The following CEP290 variants were observed in gnomAD, a reference collection of about 807,000 sequenced individuals.
The protein encoded by CEP290 is centrosomal protein 290, also known as centrosomal protein of 290 kDa.
CEP290 carries 317 observed loss-of-function variants against 344.9 expected under a neutral mutation model. The observed-to-expected ratio is 0.92, with a 90% CI of 0.84 to 1.01. The LOEUF (loss-of-function observed/expected upper bound fraction) is 1.01. CEP290 is among the 50% of genes least tolerant of loss of function. The pLI, the probability that CEP290 is intolerant of heterozygous loss-of-function variation, is 0.00. For synonymous variants in CEP290, 932 were observed against 895.8 expected, an observed-to-expected ratio of 1.04 and a Z score of -0.72; for missense variants, 2,754 against 2,761.4, an observed-to-expected ratio of 1.00 and a Z score of 0.06.
At chr12:88,121,339 T>TA (rs1407461727) in intron 13 of CEP290, among the ~76,000 whole-genome samples, 173 bp from the exon 14 acceptor site, 1 of 152,166 alleles carries the variant, frequency 6.6e-6, no homozygotes, top group Non-Finnish European at 1.5e-5. Flanking sequence ...TACAATTTAC[T>TA]AAAAAACTGA....
chr12:88,054,289 ATTTTTT>A, intron 51 of CEP290, 45 bp downstream of exon 51: 1 of 1,162,108 alleles, frequency 8.6e-7, no homozygotes, highest in South Asian at 1.5e-5. Context: ...AAAACTAATA[ATTTTTT>A]TTTTAAAGAA....
chr12:88,101,747 C>T (rs1462521496), intron 26 of CEP290, among the ~76,000 whole-genome samples: 1 of 151,536 alleles, frequency 6.6e-6, no homozygotes, highest in African/African-American at 2.4e-5. Flanking sequence ...ATACATTATC[C>T]ACAAGATGTC....
intron 26 of CEP290, among the ~76,000 whole-genome samples, chr12:88,098,602 C>A (rs1174310642): frequency 6.6e-5 from 10 of 151,168 alleles, no homozygotes. Context: ...ACAGTGAGAC[C>A]CTGACTCAAA....
At chr12:88,072,005 C>T in intron 41 of CEP290, 79 bp from the exon 42 acceptor site, 1 of 1,301,310 alleles carries the variant, frequency 7.7e-7, no homozygotes, top group Non-Finnish European at 1.0e-6. Flanking sequence ...TTATAATTTG[C>T]CTAGAAAAAT....
chr12:88,083,433 G>T (rs557199698), intron 36 of CEP290, among the ~76,000 whole-genome samples: 3 of 152,188 alleles, frequency 2.0e-5, no homozygotes, highest in Non-Finnish European at 4.4e-5. Context: ...ATGTCTGCAC[G>T]TAGCAGGAGA....
At chr12:88,058,329 G>C (rs1223441751) in intron 49 of CEP290, 1 of 152,926 alleles carries the variant, frequency 6.5e-6, no homozygotes. Context: ...AAACATCAAA[G>C]CTGGTGCTGA....
chr12:88,053,562 G>A (rs1402813853), intron 52 of CEP290, 90 bp downstream of exon 52: 3 of 642,336 alleles, frequency 4.7e-6, no homozygotes, highest in East Asian at 2.8e-5. Flanking sequence ...GGGAGACAAT[G>A]ATCAGAAATC....
intron 32 of CEP290, among the ~76,000 whole-genome samples, chr12:88,086,769 T>C (rs2036614565): frequency 1.7e-5 from 2 of 121,016 alleles, no homozygotes; most frequent in Non-Finnish European, 3.8e-5. Flanking sequence ...TGATGACATA[T>C]ATTATGTGCC....
In CEP290 at chr12:88,060,993, G is replaced by C. The variant is rs758700259; in HGVS notation, c.6359C>G (p.Ser2120Cys). The C allele has an allele frequency of 3.9e-6, 6 of 1,538,832 alleles. No homozygotes were observed. Among genetic ancestry groups the C allele is most frequent in the Admixed American group, 4.3e-5 (2 of 46,332 alleles). The stretch of plus-strand genomic sequence containing the variant: ...TGGGATTGTCTTTCCACTTCTACCA[G>C]ACTACGAAAGAATATGTTAAATCTT... ...VQRKLGHVRG[S>C]GRSGKTIPEL... The change falls in exon 47 of 54, where the codon TCT (serine) becomes TGT (cysteine). Residue 2120 changes from serine to cysteine, a missense_variant and splice_region_variant. Coordinates refer to ENST00000552810, the MANE Select transcript of CEP290 (RefSeq NM_025114.4).
intron 18 of CEP290, chr12:88,115,768 GAGATCT>G: frequency 1.0e-6 from 1 of 976,918 alleles, no homozygotes; most frequent in Non-Finnish European, 1.2e-6. Context: ...AAACTCACCT[GAGATCT>G]AAGAAATACT....
intron 37 of CEP290, among the ~76,000 whole-genome samples, chr12:88,082,713 T>C (rs1029523602): frequency 2.0e-5 from 3 of 151,872 alleles, no homozygotes; most frequent in Non-Finnish European, 2.9e-5. Flanking sequence ...AATAAATAAA[T>C]AAGATGAAAC....
intron 2 of CEP290, 72 bp downstream of exon 2, chr12:88,141,134 T>C: frequency 2.3e-6 from 3 of 1,305,390 alleles, no homozygotes; most frequent in South Asian, 1.7e-5. Flanking sequence ...CTGAAAAAAA[T>C]AAATTCATAT....
At chr12:88,095,512 T>C (rs2037363461) in intron 27 of CEP290, among the ~76,000 whole-genome samples, 1 of 152,206 alleles carries the variant, frequency 6.6e-6, no homozygotes, top group Non-Finnish European at 1.5e-5. Flanking sequence ...CCTACTAAAA[T>C]TGTACGTAAT....
At chr12:88,091,316 G>A (rs2037021947) in intron 29 of CEP290, among the ~76,000 whole-genome samples, 1 of 151,514 alleles carries the variant, frequency 6.6e-6, no homozygotes, top group African/African-American at 2.4e-5. Flanking sequence ...AGGATCCTTA[G>A]ATGGATTAAT....
intron 15 of CEP290, 80 bp from the exon 16 acceptor site, chr12:88,118,823 G>A: frequency 3.3e-6 from 3 of 919,370 alleles, no homozygotes; most frequent in Middle Eastern, 3.2e-4. Context: ...TCAAGCAACT[G>A]GTTATAATTC....
At chr12:88,071,236 C>T (rs900765342) in intron 43 of CEP290, 58 bp downstream of exon 43, 3 of 1,355,532 alleles carry the variant, frequency 2.2e-6, no homozygotes, top group African/African-American at 2.9e-5. Context: ...ATTTCAATTT[C>T]TAGGGGTCAA....
intron 27 of CEP290, among the ~76,000 whole-genome samples, chr12:88,094,341 G>T (rs1401898242): frequency 6.6e-6 from 1 of 152,058 alleles, no homozygotes; most frequent in African/African-American, 2.4e-5. Flanking sequence ...GAGAAGCAAT[G>T]CAGTAAAGCA....
rs1173906301 is a variant in CEP290 at position 88,117,120 on chromosome 12, T to A, written c.1737A>T (p.Leu579=). ...TSGLTTEDLN[L]TENISQGDRI... is the part of the protein sequence containing the mutation. The stretch of plus-strand genomic sequence containing the variant: ...TATCTCCTTGAGAAATGTTTTCAGT[T>A]AGGTTCAGGTCCTCAGTGGTTAATC... Residue 579 remains leucine, a synonymous_variant, in exon 18 of 54, where the codon CTA becomes CTT. Coordinates refer to ENST00000552810, the MANE Select transcript of CEP290 (RefSeq NM_025114.4). 3.9e-6 allele frequency: 6 copies of A among 1,555,480 alleles called. No individual in the cohort carries two copies. The highest frequency in any genetic ancestry group is 5.2e-6 in the Non-Finnish European group (6 of 1,144,964).
chr12:88,059,937 A>G lies in CEP290; in HGVS notation c.6606T>C (p.Ile2202=), dbSNP rs757449880. 6.3e-7 allele frequency: 1 copy of G among 1,595,050 alleles called. No individual in the cohort carries two copies. The highest frequency in any genetic ancestry group is 8.5e-7 in the Non-Finnish European group (1 of 1,170,562). The change falls in exon 48 of 54, where the codon ATT becomes ATC. Residue 2202 remains isoleucine (I), a synonymous_variant. Coordinates refer to ENST00000552810, the MANE Select transcript of CEP290 (RefSeq NM_025114.4). Reference sequence around the variant, plus strand: ...TACGAAGCCTTTCATTTTCAGCAATAATTTTTTCTGTGCCTTTGGTCTTGG... The same window carrying G: ...TACGAAGCCTTTCATTTTCAGCAATGATTTTTTCTGTGCCTTTGGTCTTGG... The part of the protein sequence containing the change: ...YESKTKGTEK[I]IAENERLRKE...
Sources: allele counts gnomAD v4.1 joint callset (sites outside exome capture counted in the v4.1 genomes callset), GRCh38; gene constraint gnomAD v4.1.1; transcripts MANE v1.5; gene names NCBI Gene and HGNC (gene_info 2026-07-23, HGNC 2026-07-21).